The following TK2 variants were observed in gnomAD, a reference collection of about 807,000 sequenced individuals.
The protein encoded by TK2 is thymidine kinase 2, mitochondrial.
TK2 carries 35 observed loss-of-function variants against 41.9 expected under a neutral mutation model. That is an observed-to-expected ratio of 0.84 (90% CI 0.64 to 1.11). The LOEUF (loss-of-function observed/expected upper bound fraction) is 1.11. Among genes scored for constraint, TK2 ranks in the 50% least tolerant of loss-of-function variants. The pLI, the probability that TK2 is intolerant of heterozygous loss-of-function variation, is 0.00. For missense variants in TK2, 320 were observed against 351.1 expected, an observed-to-expected ratio of 0.91 and a Z score of 0.71; for synonymous variants, 128 against 129.1, an observed-to-expected ratio of 0.99 and a Z score of 0.06.
chr16:66,518,292 T>G, intron 6 of TK2: 4 of 252,298 alleles, frequency 1.6e-5, no homozygotes, highest in South Asian at 8.2e-5. Flanking sequence ...TTTGGGAGGG[T>G]GAGGTGGGAG....
At chr16:66,525,370 A>C (rs1964900520) in intron 6 of TK2, among the ~76,000 whole-genome samples, 2 of 152,228 alleles carry the variant, frequency 1.3e-5, no homozygotes, top group African/African-American at 4.8e-5. Flanking sequence ...TTATTTTTAG[A>C]TACAAACTTA....
rs369308380 is a variant in TK2, at chr16:66,523,335, C to T, written c.450-5458G>A. ...GAGCATCCCAGGAAATGAGGAAACA[C>T]GAGCTCCCAGGCAGGAGCTGACGCC... On this transcript the variant is annotated intron_variant, in intron 6 of 9. Transcript: ENST00000544898. Among the ~76,000 whole-genome samples the T allele has an allele frequency of 9.8e-5, 15 of 152,312 alleles. No individual in the cohort carries two copies. In the East Asian group the frequency reaches 2.1e-3, roughly 22 times the overall value.
rs186529316 is a variant in TK2, at chr16:66,518,661, T to C, written c.450-784A>G. On this transcript the variant is annotated intron_variant, in intron 6 of 9. Transcript: ENST00000544898. ...TTCACGCAGTAACTGAAGGATGATATTGTAAAATAATATTTAATGGCATGG... is the reference window on the plus strand; with the variant it reads ...TTCACGCAGTAACTGAAGGATGATACTGTAAAATAATATTTAATGGCATGG... Among the ~76,000 whole-genome samples the C allele has an allele frequency of 2.9e-3, 443 of 152,382 alleles. 6 individuals carry two copies. The highest frequency in any genetic ancestry group is 4.5e-3 in the Non-Finnish European group (307 of 68,036).
rs1005540441 is a variant in TK2 at position 66,514,108 on chromosome 16, G to A, written c.619-297C>T. 1.3e-5 allele frequency among the ~76,000 whole-genome samples: 2 copies of A among 151,992 alleles called. No individual in the cohort carries two copies. Among genetic ancestry groups the A allele is most frequent in the Non-Finnish European group, 2.9e-5 (2 of 67,996 alleles). ...GCCTGAATCAAAGCCAAGGCAAAAG[G>A]CAGGACCCCCTCCCCCTCCCCCTCT... On this transcript the variant is annotated intron_variant, in intron 8 of 9. Transcript: ENST00000544898. This position sits in a 1 kb window ranked among gnomAD's most constrained non-coding sequence, Gnocchi z 4.2.
At chr16:66,526,905 A>G (rs1964949193) in intron 6 of TK2, among the ~76,000 whole-genome samples, 1 of 152,330 alleles carries the variant, frequency 6.6e-6, no homozygotes, top group South Asian at 2.1e-4. Flanking sequence ...TCTTTTTTTG[A>G]GACGGAGTCT....
intron 3 of TK2, among the ~76,000 whole-genome samples, chr16:66,537,968 G>A (rs192061216): frequency 4.3e-4 from 65 of 152,232 alleles, no homozygotes; most frequent in African/African-American, 1.5e-3. Flanking sequence ...TTCAAGTCCA[G>A]CCTGGCCAAC....
Position 66,517,076 on chromosome 16 carries a change from C to A in TK2, c.618+60G>T. 6.8e-7 allele frequency: 1 copy of A among 1,480,594 alleles called. No homozygotes were observed. Among genetic ancestry groups the A allele is most frequent in the South Asian group, 1.1e-5 (1 of 88,420 alleles). The allele number at this position is 1,480,594 out of a possible 1,614,324, so 91.7% of individuals were successfully genotyped here. A position where few individuals can be genotyped will look rare whatever the true frequency, so the allele number is the denominator to read the frequency against. Reference sequence around the variant, plus strand: ...ATGGGGGTGGGGCCGGGAGAGGAAGCCGGGTTGGACAGAGGTGGTTTCCCA... The same window carrying A: ...ATGGGGGTGGGGCCGGGAGAGGAAGACGGGTTGGACAGAGGTGGTTTCCCA... On this transcript the variant is annotated intron_variant, in intron 8 of 9. Transcript: ENST00000544898. This position sits in a 1 kb window ranked among gnomAD's most constrained non-coding sequence, Gnocchi z 4.3.
intron 6 of TK2, among the ~76,000 whole-genome samples, chr16:66,527,354 T>A (rs951474313): frequency 6.6e-6 from 1 of 152,186 alleles, no homozygotes; most frequent in African/African-American, 2.4e-5. Context: ...CTCAAAGGCA[T>A]GATCCATGGC....
At chr16:66,522,961 A>G (rs1964825072) in intron 6 of TK2, among the ~76,000 whole-genome samples, 1 of 152,186 alleles carries the variant, frequency 6.6e-6, no homozygotes, top group Admixed American at 6.5e-5. Context: ...CCCTGGTGGC[A>G]TAACTGCAGT....
At chr16:66,525,065 A>G (rs971880107) in intron 6 of TK2, 31 of 152,356 alleles carry the variant, frequency 2.0e-4, no homozygotes, top group African/African-American at 6.5e-4. Context: ...TATCTGCCCA[A>G]TAGGGTCAAC....
chr16:66,543,253 T>TTC (rs760606101), intron 2 of TK2, among the ~76,000 whole-genome samples: 20 of 152,346 alleles, frequency 1.3e-4, no homozygotes, highest in Non-Finnish European at 2.5e-4. Context: ...GGAGCAGAGC[T>TTC]TCTCCCTGTC....
rs762340221 is a variant in TK2 at position 66,549,926 on chromosome 16, G to A, written c.124+12C>T. 60 of 1,354,484 alleles carry A rather than the reference G, an allele frequency of 4.4e-5. No individual in the cohort carries two copies. Among genetic ancestry groups the A allele is most frequent in the Middle Eastern group, 5.5e-4 (2 of 3,620 alleles). 83.9% of individuals were successfully genotyped at this position (1,354,484 alleles called of 1,614,324 possible). A position where few individuals can be genotyped will look rare whatever the true frequency, so the allele number is the denominator to read the frequency against. ...AGGGGCTCCTGGGAGGCGGGACCAA[G>A]ACGCGCGTTACCGGGAGGCCAGGCC... is the stretch of plus-strand genomic sequence containing the variant. On this transcript the variant is annotated intron_variant, in intron 1 of 9. Coordinates refer to ENST00000544898, the MANE Select transcript of TK2 (RefSeq NM_004614.5).
intron 2 of TK2, among the ~76,000 whole-genome samples, chr16:66,545,471 T>A (rs1337660414): frequency 1.3e-5 from 2 of 152,216 alleles, no homozygotes; most frequent in East Asian, 3.8e-4. Flanking sequence ...TGAATACTAT[T>A]CAGCTATAGG....
intron 8 of TK2, 156 bp from the exon 9 acceptor site, chr16:66,513,967 G>T: frequency 2.8e-6 from 2 of 708,952 alleles, no homozygotes; most frequent in Middle Eastern, 3.6e-4. Context: ...GTGGACAGCG[G>T]CAGACGCAGC....
intron 9 of TK2, among the ~76,000 whole-genome samples, chr16:66,513,141 T>C (rs1242579885): frequency 1.3e-5 from 2 of 152,038 alleles, no homozygotes; most frequent in Non-Finnish European, 2.9e-5. Flanking sequence ...AACAAGGAGA[T>C]GGGGAAGTAA....
In TK2 at chr16:66,517,683, G is replaced by T; in HGVS notation, c.538+106C>A. 1 of 1,033,542 alleles carries T rather than the reference G, an allele frequency of 9.7e-7. No individual in the cohort carries two copies. The highest frequency in any genetic ancestry group is 1.5e-6 in the Non-Finnish European group (1 of 653,392). 64.0% of individuals were successfully genotyped at this position (1,033,542 alleles called of 1,614,324 possible). ...CTCCCATGGGGAAGGAACTGCCAAG[G>T]GCAAGTGCCTCACCCACTGCCCCCA... On this transcript the variant is annotated intron_variant, in intron 7 of 9. Transcript: ENST00000544898. The surrounding 1 kb of genome is among the most constrained non-coding windows in gnomAD (Gnocchi z 4.3).
intron 3 of TK2, among the ~76,000 whole-genome samples, 178 bp from the exon 4 acceptor site, chr16:66,537,195 T>C (rs1290558755): frequency 6.6e-6 from 1 of 152,200 alleles, no homozygotes; most frequent in African/African-American, 2.4e-5. Context: ...CAACTCTATC[T>C]AGACACGGCT....
In TK2 at chr16:66,541,665, C is replaced by T. The variant is rs182877739; in HGVS notation, c.231+214G>A. Among the ~76,000 whole-genome samples the T allele has an allele frequency of 7.0e-4, 107 of 152,170 alleles. 2 individuals are homozygous for T. In the East Asian group the frequency reaches 0.018, roughly 26 times the overall value. Reference sequence around the variant, plus strand: ...CTCCTGGGCTCAAGCAATCCACCTGCTTCCGCCTCCCAAAGTGCTAGGATT... The same window carrying T: ...CTCCTGGGCTCAAGCAATCCACCTGTTTCCGCCTCCCAAAGTGCTAGGATT... On this transcript the variant is annotated intron_variant, in intron 3 of 9. Coordinates refer to ENST00000544898, the MANE Select transcript of TK2 (RefSeq NM_004614.5).
rs2144341531 is a variant in TK2, at chr16:66,514,126, C to T, written c.619-315G>A. On this transcript the variant is annotated intron_variant, in intron 8 of 9. Transcript: ENST00000544898. This position sits in a 1 kb window ranked among gnomAD's most constrained non-coding sequence, Gnocchi z 4.2. ...GCAAAAGGCAGGACCCCCTCCCCCT[C>T]CCCCTCTCCCTCTCCCCTTTGCACG... 6.6e-6 allele frequency among the ~76,000 whole-genome samples: 1 copy of T among 151,994 alleles called. No individual in the cohort carries two copies. Among genetic ancestry groups the T allele is most frequent in the Non-Finnish European group, 1.5e-5 (1 of 67,960 alleles).
Sources: gnomAD v4.1 joint callset for allele counts (sites outside exome capture counted in the v4.1 genomes callset) on GRCh38, gnomAD v4.1.1 for gene constraint, Gnocchi (gnomAD v3.1) non-coding constraint, MANE v1.5 for transcripts, NCBI Gene and HGNC (gene_info 2026-07-23, HGNC 2026-07-21) for gene names.